Variants in HS2ST1 observed in about 807,000 individuals in gnomAD.
HS2ST1 encodes 2-O-sulfotransferase.
A neutral mutation model predicts 42.9 loss-of-function variants in HS2ST1; 18 were observed. The observed-to-expected ratio is 0.42, with a 90% CI of 0.29 to 0.62. HS2ST1 has a LOEUF of 0.62. HS2ST1 is among the 20% of genes least tolerant of loss of function. The pLI is 0.21. For synonymous variants in HS2ST1, 146 were observed against 152.9 expected, an observed-to-expected ratio of 0.95 and a Z score of 0.33; for missense variants, 334 against 433.8, an observed-to-expected ratio of 0.77 and a Z score of 2.04.
In HS2ST1 at chr1:87,092,676, T is replaced by C. The variant is rs1025730710; in HGVS notation, c.588+7T>C. On this transcript the variant is annotated splice_region_variant and intron_variant, in intron 4 of 6. Coordinates refer to ENST00000370550, the MANE Select transcript of HS2ST1 (RefSeq NM_012262.4). ...AAAACAAGGAGACAAAAAGGTAATATTTTAGTTTTAAGATTTTTATAAAGA... is the reference window on the plus strand; with the variant it reads ...AAAACAAGGAGACAAAAAGGTAATACTTTAGTTTTAAGATTTTTATAAAGA... The C allele has an allele frequency of 2.0e-6, 3 of 1,507,764 alleles. No homozygotes were observed. The highest frequency in any genetic ancestry group is 1.8e-6 in the Non-Finnish European group (2 of 1,130,906). 93.4% of individuals were successfully genotyped at this position (1,507,764 alleles called of 1,614,324 possible).
At chr1:86,957,781 A>G in intron 1 of HS2ST1, among the ~76,000 whole-genome samples, 1 of 149,328 alleles carries the variant, frequency 6.7e-6, no homozygotes. Context: ...AAGATATTAG[A>G]GGTTTTTTTA....
chr1:86,917,824 AG>A (rs1290362735), intron 1 of HS2ST1, among the ~76,000 whole-genome samples: 1 of 152,252 alleles, frequency 6.6e-6, no homozygotes, highest in Non-Finnish European at 1.5e-5. Flanking sequence ...TCTGATACAA[AG>A]GAATTGGTTT....
At chr1:86,964,174 G>A (rs1052118814) in intron 1 of HS2ST1, among the ~76,000 whole-genome samples, 11 of 151,994 alleles carry the variant, frequency 7.2e-5, no homozygotes, top group African/African-American at 2.2e-4. Flanking sequence ...GGGAAGAGGC[G>A]CTCCTCACTT....
rs1353192789 is a variant in HS2ST1, at chr1:87,001,362, C to CT, written c.125-71571dup. ...ATTTACTTTTGGGGGATAAAAAAGTCTGTTGTAGTGGTTGTTTTCCAAATT... is the reference window on the plus strand; with the variant it reads ...ATTTACTTTTGGGGGATAAAAAAGTCTTGTTGTAGTGGTTGTTTTCCAAATT... On this transcript the variant is annotated intron_variant, in intron 1 of 6. Transcript: ENST00000370550. Among the ~76,000 whole-genome samples, 7 of 152,054 alleles carry CT rather than the reference C, an allele frequency of 4.6e-5. No homozygotes were observed. The South Asian group carries it at 1.2e-3, about 27-fold the overall frequency.
chr1:87,069,044 A>T (rs565520862), intron 1 of HS2ST1, among the ~76,000 whole-genome samples: 1 of 152,314 alleles, frequency 6.6e-6, no homozygotes, highest in South Asian at 2.1e-4. Flanking sequence ...GAAATAGATT[A>T]TCACAAACAT....
intron 1 of HS2ST1, among the ~76,000 whole-genome samples, chr1:86,940,692 A>G (rs898585730): frequency 3.9e-5 from 6 of 152,194 alleles, no homozygotes; most frequent in East Asian, 1.9e-4. Flanking sequence ...GGAAATGACT[A>G]TTGAAAACAC....
chr1:86,998,497 C>G (rs1227768381), intron 1 of HS2ST1, among the ~76,000 whole-genome samples: 1 of 152,148 alleles, frequency 6.6e-6, no homozygotes, highest in African/African-American at 2.4e-5. Context: ...GACATAATGT[C>G]TCTAGTTTTC....
intron 1 of HS2ST1, among the ~76,000 whole-genome samples, chr1:86,919,040 G>A (rs536864974): frequency 3.3e-5 from 5 of 151,562 alleles, no homozygotes; most frequent in Admixed American, 2.0e-4. Context: ...GCAGTGGCAC[G>A]ATTTCGGCTC....
At chr1:87,066,749 G>T (rs1291962671) in intron 1 of HS2ST1, among the ~76,000 whole-genome samples, 1 of 151,622 alleles carries the variant, frequency 6.6e-6, no homozygotes, top group African/African-American at 2.4e-5. Flanking sequence ...ACAGGCCCCA[G>T]TGTGTGATGT....
At chr1:86,998,656 C>G (rs1649180165) in intron 1 of HS2ST1, among the ~76,000 whole-genome samples, 1 of 152,164 alleles carries the variant, frequency 6.6e-6, no homozygotes, top group African/African-American at 2.4e-5. Flanking sequence ...CACACGTACA[C>G]ATTTAATATG....
chr1:87,011,738 G>A (rs1422631737), intron 1 of HS2ST1, among the ~76,000 whole-genome samples: 3 of 152,136 alleles, frequency 2.0e-5, no homozygotes, highest in Non-Finnish European at 4.4e-5. Context: ...CTCTATTAGG[G>A]TAGGCAAGAA....
chr1:87,086,764 T>C (rs1460038903), intron 3 of HS2ST1, among the ~76,000 whole-genome samples: 1 of 152,136 alleles, frequency 6.6e-6, no homozygotes, highest in Non-Finnish European at 1.5e-5. Context: ...TGCATTCCTA[T>C]CCCATCTTGC....
intron 1 of HS2ST1, among the ~76,000 whole-genome samples, chr1:86,997,720 A>C (rs1211737879): frequency 2.6e-5 from 4 of 152,190 alleles, no homozygotes; most frequent in Admixed American, 6.5e-5. Context: ...CTCTATGTGC[A>C]GTGTCAGTTA....
intron 1 of HS2ST1, among the ~76,000 whole-genome samples, chr1:87,027,540 A>G (rs1238706379): frequency 3.3e-5 from 5 of 152,210 alleles, no homozygotes; most frequent in African/African-American, 7.2e-5. Context: ...ACATAATTTT[A>G]TACTGGGAAA....
intron 1 of HS2ST1, among the ~76,000 whole-genome samples, chr1:86,988,468 A>C (rs988060138): frequency 3.3e-5 from 5 of 152,220 alleles, no homozygotes; most frequent in Non-Finnish European, 5.9e-5. Context: ...CAAAATTTTG[A>C]CAAACTGTCC....
At chr1:87,035,573 A>T (rs1475870406) in intron 1 of HS2ST1, among the ~76,000 whole-genome samples, 1 of 152,204 alleles carries the variant, frequency 6.6e-6, no homozygotes, top group African/African-American at 2.4e-5. Context: ...CTTATAGTGT[A>T]GACCATAATA....
intron 2 of HS2ST1, among the ~76,000 whole-genome samples, chr1:87,074,961 C>T (rs192953288): frequency 6.6e-6 from 1 of 152,106 alleles, no homozygotes; most frequent in East Asian, 1.9e-4. Context: ...GTTATATTTA[C>T]TGCTTCCCCT....
chr1:87,074,984 C>T (rs1368928115), intron 2 of HS2ST1, among the ~76,000 whole-genome samples: 1 of 151,896 alleles, frequency 6.6e-6, no homozygotes, highest in Non-Finnish European at 1.5e-5. Context: ...TTTTGTGTGA[C>T]ATGTTTTCAT....
At chr1:87,086,914 A>G (rs1262395498) in intron 3 of HS2ST1, among the ~76,000 whole-genome samples, 3 of 53,112 alleles carry the variant, frequency 5.6e-5, no homozygotes, top group South Asian at 9.1e-4. Flanking sequence ...AAGATAATGT[A>G]GATATAAATT....
Sources: gnomAD v4.1 joint callset for allele counts (sites outside exome capture counted in the v4.1 genomes callset) on GRCh38, gnomAD v4.1.1 for gene constraint, MANE v1.5 for transcripts, NCBI Gene and HGNC (gene_info 2026-07-23, HGNC 2026-07-21) for gene names.